DAPP1: variants seen among roughly 807,000 people sequenced by gnomAD.
DAPP1 encodes dual adapter for phosphotyrosine and 3-phosphotyrosine and 3-phosphoinositide.
Under a neutral mutation model 41.5 loss-of-function variants are expected in DAPP1, and 20 were observed. The observed-to-expected ratio is 0.48, with a 90% CI of 0.34 to 0.70. The LOEUF is 0.70. DAPP1 is among the 30% of genes least tolerant of loss of function. The probability of loss-of-function intolerance (pLI) is 0.01; values close to 1 mark genes in which losing one functional copy is unlikely to be tolerated. For synonymous variants in DAPP1, 113 were observed against 116.2 expected (o/e 0.97, Z 0.18); for missense variants, 233 against 333.4 (o/e 0.70, Z 2.35).
chr4:99,839,308 G>C (rs1347772943), intron 2 of DAPP1, among the ~76,000 whole-genome samples: 1 of 151,224 alleles, frequency 6.6e-6, no homozygotes, highest in African/African-American at 2.4e-5. Flanking sequence ...AGGAAGTGAG[G>C]CTAGAAAGAT....
downstream of DAPP1, among the ~76,000 whole-genome samples, chr4:99,870,750 G>A (rs1343857745): frequency 6.6e-6 from 1 of 152,160 alleles, no homozygotes. Flanking sequence ...CAAAGTATTC[G>A]CAGTTATTCT....
chr4:99,845,400 A>T (rs900916311), intron 3 of DAPP1, among the ~76,000 whole-genome samples: 2 of 152,228 alleles, frequency 1.3e-5, no homozygotes, highest in African/African-American at 4.8e-5. Flanking sequence ...CTGGTCCTGA[A>T]GCATAGATGC....
intron 1 of DAPP1, among the ~76,000 whole-genome samples, chr4:99,832,538 G>T (rs758693145): frequency 6.6e-6 from 1 of 152,178 alleles, no homozygotes; most frequent in African/African-American, 2.4e-5. Context: ...GCTTGCCCAG[G>T]CCCTGGAGTC....
At position 99,835,649 on chromosome 4, in the gene DAPP1, A is replaced by G; in HGVS notation, c.128A>G (p.His43Arg). 3.1e-6 allele frequency: 5 copies of G among 1,613,696 alleles called. No homozygotes were observed. Among genetic ancestry groups the G allele is most frequent in the Non-Finnish European group, 3.4e-6 (4 of 1,179,850 alleles). The part of the protein sequence containing the change: ...LGWYHGNLTR[H>R]AAEALLLSNG... ...TGGTATCACGGCAACCTCACACGCC[A>G]TGCTGCTGAAGCTCTTCTCCTCTCA... The change falls in exon 2 of 9, where the codon CAT becomes CGT. Residue 43 changes from histidine to arginine, a missense_variant. Transcript: ENST00000512369.
At chr4:99,858,732 A>C (rs547392566) in intron 4 of DAPP1, among the ~76,000 whole-genome samples, 1 of 152,242 alleles carries the variant, frequency 6.6e-6, no homozygotes, top group South Asian at 2.1e-4. Context: ...ATTCTACTGT[A>C]AGGAAAAGCT....
chr4:99,851,273 GGGAC>G (rs1180127069), intron 3 of DAPP1, among the ~76,000 whole-genome samples: 2 of 152,166 alleles, frequency 1.3e-5, no homozygotes, highest in Admixed American at 6.5e-5. Flanking sequence ...GTGCAAGAAT[GGGAC>G]GGTTCTGATA....
chr4:99,827,502 C>T (rs1034363704), intron 1 of DAPP1, among the ~76,000 whole-genome samples: 6 of 149,442 alleles, frequency 4.0e-5, no homozygotes, highest in African/African-American at 1.5e-4. Flanking sequence ...CACTGCACTC[C>T]AGCCTGGGCA....
At chr4:99,866,602 C>G (rs1330785769) in intron 8 of DAPP1, 9 of 766,148 alleles carry the variant, frequency 1.2e-5, no homozygotes, top group Non-Finnish European at 2.2e-5. Context: ...CTGTATATCT[C>G]CCGAGGAGAA....
intron 4 of DAPP1, among the ~76,000 whole-genome samples, chr4:99,861,181 A>T (rs7687941): frequency 7.9e-5 from 12 of 152,222 alleles, no homozygotes; most frequent in African/African-American, 2.9e-4. Context: ...GAAGCCCTGA[A>T]GTAAAAACAT....
chr4:99,846,688 G>C (rs1315623764), intron 3 of DAPP1, among the ~76,000 whole-genome samples: 4 of 152,130 alleles, frequency 2.6e-5, no homozygotes, highest in Admixed American at 2.0e-4. Context: ...CTTTAATCTA[G>C]TTCCATAGTG....
At chr4:99,836,490 G>C (rs911421666) in intron 2 of DAPP1, among the ~76,000 whole-genome samples, 4 of 152,178 alleles carry the variant, frequency 2.6e-5, no homozygotes, top group Non-Finnish European at 4.4e-5. Context: ...TTAGGCAGGG[G>C]ATGTAAGGAC....
chr4:99,847,251 A>C (rs1197124722), intron 3 of DAPP1, among the ~76,000 whole-genome samples: 3 of 152,186 alleles, frequency 2.0e-5, no homozygotes, highest in African/African-American at 7.2e-5. Flanking sequence ...TTTCTTTAGG[A>C]GTTTTGTGTA....
At chr4:99,831,847 G>A (rs892159374) in intron 1 of DAPP1, among the ~76,000 whole-genome samples, 1 of 151,992 alleles carries the variant, frequency 6.6e-6, no homozygotes, top group Non-Finnish European at 1.5e-5. Context: ...CTGATTAATA[G>A]TGAGATTATT....
In DAPP1 at chr4:99,868,102, T is replaced by G; in HGVS notation, c.775-15T>G. Reference sequence around the variant, plus strand: ...TCACTCAATAATGGATACACGTGTGTGTACTTTATTACAGTCACAAATAAG... The same window carrying G: ...TCACTCAATAATGGATACACGTGTGGGTACTTTATTACAGTCACAAATAAG... On this transcript the variant is annotated splice_polypyrimidine_tract_variant and intron_variant, in intron 8 of 8. Coordinates refer to ENST00000512369, the MANE Select transcript of DAPP1 (RefSeq NM_014395.3). 2 of 1,611,092 alleles carry G rather than the reference T, an allele frequency of 1.2e-6. No homozygotes were observed. Among genetic ancestry groups the G allele is most frequent in the Non-Finnish European group, 1.7e-6 (2 of 1,177,260 alleles).
intron 6 of DAPP1, 24 bp downstream of exon 6, chr4:99,863,096 T>G (rs1724299262): frequency 2.0e-6 from 3 of 1,497,910 alleles, no homozygotes; most frequent in African/African-American, 1.4e-5. Flanking sequence ...TAATATATTT[T>G]TCCTTTAAAA....
At chr4:99,864,105 C>T in intron 7 of DAPP1, 1 of 276,348 alleles carries the variant, frequency 3.6e-6, no homozygotes, top group Non-Finnish European at 6.7e-6. Context: ...ATGCCATTCA[C>T]ATCTTAGACA....
At chr4:99,819,649 G>T (rs1722700852) in intron 1 of DAPP1, among the ~76,000 whole-genome samples, 1 of 146,442 alleles carries the variant, frequency 6.8e-6, no homozygotes, top group Admixed American at 6.7e-5. Context: ...AAAACAAAAT[G>T]ATTTAATGTA....
intron 2 of DAPP1, among the ~76,000 whole-genome samples, chr4:99,836,638 G>A (rs1723309126): frequency 6.6e-6 from 1 of 152,148 alleles, no homozygotes; most frequent in African/African-American, 2.4e-5. Flanking sequence ...TGGCCTCAGA[G>A]GCTCTCTCAC....
chr4:99,840,551 G>A (rs1723460853), intron 3 of DAPP1, 129 bp downstream of exon 3: 11 of 1,107,998 alleles, frequency 9.9e-6, no homozygotes, highest in Non-Finnish European at 1.3e-5. Context: ...AGAAAACAAT[G>A]TATTTTGTAT....
Sources: gnomAD v4.1 joint callset for allele counts (sites outside exome capture counted in the v4.1 genomes callset) on GRCh38, gnomAD v4.1.1 for gene constraint, MANE v1.5 for transcripts, NCBI Gene and HGNC (gene_info 2026-07-23, HGNC 2026-07-21) for gene names.